PCP2: variants seen among roughly 807,000 people sequenced by gnomAD.
The protein encoded by PCP2 is Purkinje cell protein 2 homolog.
A neutral mutation model predicts 18.3 loss-of-function variants in PCP2; 21 were observed. The observed-to-expected ratio is 1.14, with a 90% CI of 0.81 to 1.65. The LOEUF (loss-of-function observed/expected upper bound fraction) is 1.65. Ranked by LOEUF, PCP2 falls within the 40% of genes most tolerant of loss-of-function variation. The pLI is 0.00. For missense variants in PCP2, 202 were observed against 201.8 expected, an observed-to-expected ratio of 1.00 and a Z score of 0.00; for synonymous variants, 85 against 77.6, an observed-to-expected ratio of 1.10 and a Z score of -0.50.
Position 7,632,498 on chromosome 19 carries a change from C to T in PCP2, c.186G>A (p.Glu62=). Residue 62 remains glutamate (E), a synonymous_variant, in exon 3 of 4, where the codon GAG becomes GAA. Coordinates refer to ENST00000311069, the MANE Select transcript of PCP2 (RefSeq NM_174895.3). This position sits in a 1 kb window ranked among gnomAD's most constrained non-coding sequence, Gnocchi z 5.2. ...CCAGCATGTCCATGAGGCTGTCCAT[C>T]TCGGGGGTGGGGTCGCTCTCTGCGT... is the stretch of plus-strand genomic sequence containing the variant. ...TTKSQSDPTP[E]MDSLMDMLAS... 1 of 1,613,576 alleles carries T rather than the reference C, an allele frequency of 6.2e-7. No homozygotes were observed. Among genetic ancestry groups the T allele is most frequent in the South Asian group, 1.1e-5 (1 of 91,082 alleles).
At position 7,632,736 on chromosome 19, in the gene PCP2, G is replaced by A. The variant is rs763897776; in HGVS notation, c.146C>T (p.Pro49Leu). Reference protein sequence around the residue: ...EGQRCSLQAGPGQTTKSQSDP... With the variant: ...EGQRCSLQAGLGQTTKSQSDP... Reference sequence around the variant, plus strand: ...CTCACGGCTCTTGGTGGTCTGGCCCGGCCCGGCTTGCAGTGAACAGCGCTG... The same window carrying A: ...CTCACGGCTCTTGGTGGTCTGGCCCAGCCCGGCTTGCAGTGAACAGCGCTG... Residue 49 changes from proline (P) to leucine (L), a missense_variant, in exon 2 of 4, where the codon CCG (proline) becomes CTG (leucine). Physicochemically the swap from Pro to Leu is moderately conservative, Grantham distance 98. Coordinates refer to ENST00000311069, the MANE Select transcript of PCP2 (RefSeq NM_174895.3). The surrounding 1 kb of genome is among the most constrained non-coding windows in gnomAD (Gnocchi z 5.2). The A allele has an allele frequency of 3.8e-6, 6 of 1,561,372 alleles. No individual in the cohort carries two copies. The highest frequency in any genetic ancestry group is 1.2e-5 in the South Asian group (1 of 85,772).
At chr19:7,635,720 T>C (rs187394089), upstream of PCP2, among the ~76,000 whole-genome samples, 1,430 of 148,790 alleles carry the variant, frequency 9.6e-3, 24 homozygotes, top group African/African-American at 0.032. Context: ...CAAACAAAAA[T>C]GGGGAGGAGG....
rs779625085 is a variant in PCP2, at chr19:7,632,392, C to G, written c.291+1G>C. The G allele has an allele frequency of 3.1e-6, 5 of 1,613,894 alleles. No homozygotes were observed. The highest frequency in any genetic ancestry group is 4.2e-6 in the Non-Finnish European group (5 of 1,179,954). On this transcript the variant is annotated splice_donor_variant, in intron 3 of 3. Coordinates refer to ENST00000311069, the MANE Select transcript of PCP2 (RefSeq NM_174895.3). LOFTEE classifies it high-confidence loss of function. This position sits in a 1 kb window ranked among gnomAD's most constrained non-coding sequence, Gnocchi z 5.2. ...CTCGACATCGCCAGAACATCACCTA[C>G]CTTGGACCCCACGGGCTGGAAGCCG...
At chr19:7,636,011 A>C (rs1324647220), upstream of PCP2, among the ~76,000 whole-genome samples, 2 of 152,256 alleles carry the variant, frequency 1.3e-5, no homozygotes, top group East Asian at 3.9e-4. Flanking sequence ...TAATGTCAAA[A>C]GGCTGCTTCT....
At chr19:7,635,050 C>T (rs2146199428), upstream of PCP2, among the ~76,000 whole-genome samples, 1 of 152,364 alleles carries the variant, frequency 6.6e-6, no homozygotes, top group East Asian at 1.9e-4. Flanking sequence ...ATACTAACCC[C>T]ATTTCAAATA....
intron 1 of PCP2, 62 bp downstream of exon 1, chr19:7,633,345 C>T: frequency 1.6e-6 from 2 of 1,282,232 alleles, no homozygotes; most frequent in Non-Finnish European, 2.2e-6. Context: ...ACAAACTAGT[C>T]TTGTCAATCA....
Position 7,632,417 on chromosome 19 carries a change from G to C in PCP2, c.267C>G (p.Pro89=). 6.2e-7 allele frequency: 1 copy of C among 1,613,946 alleles called. No homozygotes were observed. The highest frequency in any genetic ancestry group is 8.5e-7 in the Non-Finnish European group (1 of 1,179,968). Residue 89 remains proline (P), a synonymous_variant, in exon 3 of 4, where the codon CCC becomes CCG. Coordinates refer to ENST00000311069, the MANE Select transcript of PCP2 (RefSeq NM_174895.3). This position sits in a 1 kb window ranked among gnomAD's most constrained non-coding sequence, Gnocchi z 5.2. The part of the protein sequence containing the change: ...DDQRVTVSSL[P]GFQPVGSKDG... ...CCTTGGACCCCACGGGCTGGAAGCC[G>C]GGCAGGCTGCTGACTGTCACACGTT...
chr19:7,634,335 T>C (rs1225806666), upstream of PCP2, among the ~76,000 whole-genome samples: 2 of 152,122 alleles, frequency 1.3e-5, no homozygotes, highest in African/African-American at 4.8e-5. Context: ...CGGAAACCAG[T>C]GGAAGTTTCA....
Position 7,632,163 on chromosome 19 carries a change from C to T in PCP2, c.291+230G>A. The T allele has an allele frequency of 1.5e-6, 1 of 684,436 alleles. No individual in the cohort carries two copies. The highest frequency in any genetic ancestry group is 2.4e-6 in the Non-Finnish European group (1 of 419,618). 42.4% of individuals were successfully genotyped at this position (684,436 alleles called of 1,614,324 possible). On this transcript the variant is annotated intron_variant, in intron 3 of 3. Coordinates refer to ENST00000311069, the MANE Select transcript of PCP2 (RefSeq NM_174895.3). This position sits in a 1 kb window ranked among gnomAD's most constrained non-coding sequence, Gnocchi z 5.2. ...CTTTGGCCTCCCCAGAACCTTCAGA[C>T]TTGGGGGCAGGAGCCACAAGTTCCA...
upstream of PCP2, among the ~76,000 whole-genome samples, chr19:7,635,850 C>T (rs1370128675): frequency 6.6e-6 from 1 of 152,176 alleles, no homozygotes; most frequent in Non-Finnish European, 1.5e-5. Context: ...CACTGAAAGT[C>T]CTGCATCCTG....
In PCP2 at chr19:7,633,476, C is replaced by A; in HGVS notation, c.-19G>T. 1 of 1,569,480 alleles carries A rather than the reference C, an allele frequency of 6.4e-7. No homozygotes were observed. Among genetic ancestry groups the A allele is most frequent in the Non-Finnish European group, 8.7e-7 (1 of 1,155,776 alleles). On this transcript the variant is annotated 5_prime_UTR_variant, in exon 1 of 4. Coordinates refer to ENST00000311069, the MANE Select transcript of PCP2 (RefSeq NM_174895.3). ...CCATCATGTCCCTGGACTCCAGTCA[C>A]TTTTCTGCTGGCCTCTGCCCCGGCC...
chr19:7,632,473 C>T lies in PCP2; in HGVS notation c.211G>A (p.Ala71Thr). ...TCCATGCGGCGGCCCTGGGTACTGG[C>T]CAGCATGTCCATGAGGCTGTCCATC... ...PEMDSLMDML[A>T]STQGRRMDDQ... Residue 71 changes from alanine to threonine, a missense_variant, in exon 3 of 4, where the codon GCC (alanine) becomes ACC (threonine). Ala to Thr is a moderately conservative substitution (Grantham distance 58). Transcript: ENST00000311069. The surrounding 1 kb of genome is among the most constrained non-coding windows in gnomAD (Gnocchi z 5.2). The T allele has an allele frequency of 6.2e-7, 1 of 1,613,848 alleles. No individual in the cohort carries two copies. Among genetic ancestry groups the T allele is most frequent in the African/African-American group, 1.3e-5 (1 of 75,024 alleles).
Position 7,632,860 on chromosome 19 carries a change from C to T in PCP2, c.52-30G>A, listed in dbSNP as rs1303482085. On this transcript the variant is annotated intron_variant, in intron 1 of 3. Transcript: ENST00000311069. This position sits in a 1 kb window ranked among gnomAD's most constrained non-coding sequence, Gnocchi z 5.2. ...GGACAGACTCGCTCAGTCTGGTTGG[C>T]CCTTCAGCTTGGGGGCCCCTCCCCA... The T allele has an allele frequency of 6.5e-7, 1 of 1,539,840 alleles. No individual in the cohort carries two copies. The highest frequency in any genetic ancestry group is 2.0e-5 in the Admixed American group (1 of 50,822).
At position 7,633,401 on chromosome 19, in the gene PCP2, TCTCAC is replaced by T; in HGVS notation, c.51+1_51+5del. 2 of 1,566,110 alleles carry T rather than the reference TCTCAC, an allele frequency of 1.3e-6. No homozygotes were observed. Among genetic ancestry groups the T allele is most frequent in the Non-Finnish European group, 1.7e-6 (2 of 1,154,362 alleles). ...TGGGGGTGGGGTGGGGGCAGGGCCCTCTCACCTCGGCACAGGGGCCTGAGCCTTCC... is the reference window on the plus strand; with the variant it reads ...TGGGGGTGGGGTGGGGGCAGGGCCCTCTCGGCACAGGGGCCTGAGCCTTCC... On this transcript the variant is annotated splice_donor_variant and splice_donor_5th_base_variant and intron_variant, in intron 1 of 3. Coordinates refer to ENST00000311069, the MANE Select transcript of PCP2 (RefSeq NM_174895.3). LOFTEE classifies it high-confidence loss of function.
At chr19:7,635,178 C>T (rs1186208339), upstream of PCP2, among the ~76,000 whole-genome samples, 1 of 152,172 alleles carries the variant, frequency 6.6e-6, no homozygotes, top group East Asian at 1.9e-4. Context: ...AAGCTGGAGG[C>T]GGTCCTGGCT....
At chr19:7,634,956 A>G (rs1055612671), upstream of PCP2, among the ~76,000 whole-genome samples, 9 of 152,206 alleles carry the variant, frequency 5.9e-5, no homozygotes, top group Non-Finnish European at 1.3e-4. Context: ...AGGCAGACAT[A>G]TAACTATCTT....
At position 7,632,544 on chromosome 19, in the gene PCP2, G is replaced by A; in HGVS notation, c.167-27C>T. ...TGCGTGGACGTTCACAGACTTGGGAGGACACAGCCGGAGTGGGGGCCCCCA... is the reference window on the plus strand; with the variant it reads ...TGCGTGGACGTTCACAGACTTGGGAAGACACAGCCGGAGTGGGGGCCCCCA... On this transcript the variant is annotated intron_variant, in intron 2 of 3. Coordinates refer to ENST00000311069, the MANE Select transcript of PCP2 (RefSeq NM_174895.3). This position sits in a 1 kb window ranked among gnomAD's most constrained non-coding sequence, Gnocchi z 5.2. The A allele has an allele frequency of 6.2e-7, 1 of 1,609,976 alleles. No homozygotes were observed. The highest frequency in any genetic ancestry group is 8.5e-7 in the Non-Finnish European group (1 of 1,178,636).
chr19:7,632,930 G>T lies in PCP2; in HGVS notation c.52-100C>A. The T allele has an allele frequency of 6.7e-7, 1 of 1,493,630 alleles. No individual in the cohort carries two copies. The highest frequency in any genetic ancestry group is 8.9e-7 in the Non-Finnish European group (1 of 1,124,004). The allele number at this position is 1,493,630 out of a possible 1,614,324, so 92.5% of individuals were successfully genotyped here. Reference sequence around the variant, plus strand: ...TCACACCCTGACCCCGGGGCCTGCCGTCCCCACTTCCTCAGCTCTCACCAT... The same window carrying T: ...TCACACCCTGACCCCGGGGCCTGCCTTCCCCACTTCCTCAGCTCTCACCAT... On this transcript the variant is annotated intron_variant, in intron 1 of 3. Transcript: ENST00000311069. The surrounding 1 kb of genome is among the most constrained non-coding windows in gnomAD (Gnocchi z 5.2).
chr19:7,632,387 ACCTACCTTGGACC>A lies in PCP2; in HGVS notation c.284_291+5del, dbSNP rs1234993281. On this transcript the variant is annotated splice_donor_variant and splice_donor_5th_base_variant and coding_sequence_variant and intron_variant, in exon 3 of 4. Transcript: ENST00000311069. LOFTEE classifies it high-confidence loss of function. The surrounding 1 kb of genome is among the most constrained non-coding windows in gnomAD (Gnocchi z 5.2). ...TTCTCCTCGACATCGCCAGAACATC[ACCTACCTTGGACC>A]CCACGGGCTGGAAGCCGGGCAGGCT... 1.2e-6 allele frequency: 2 copies of A among 1,613,368 alleles called. No individual in the cohort carries two copies. The highest frequency in any genetic ancestry group is 1.7e-6 in the Non-Finnish European group (2 of 1,179,842).
Sources: allele counts gnomAD v4.1 joint callset (sites outside exome capture counted in the v4.1 genomes callset), GRCh38; gene constraint gnomAD v4.1.1; non-coding constraint Gnocchi (gnomAD v3.1); transcripts MANE v1.5; gene names NCBI Gene and HGNC (gene_info 2026-07-23, HGNC 2026-07-21).